CACNA2D3: variants seen among roughly 807,000 people sequenced by gnomAD.
CACNA2D3 encodes the protein voltage-dependent calcium channel subunit alpha-2/delta-3.
Under a neutral mutation model 160.6 loss-of-function variants are expected in CACNA2D3, and 60 were observed. That is an observed-to-expected ratio of 0.37 (90% CI 0.30 to 0.46). The LOEUF is 0.46. Ranked by LOEUF, CACNA2D3 falls within the 20% of genes least tolerant of loss-of-function variation. The pLI is 1.00. For synonymous variants in CACNA2D3, 558 were observed against 492.9 expected (o/e 1.13, Z -1.75); for missense variants, 1,205 against 1,365.0 (o/e 0.88, Z 1.85).
chr3:54,350,982 G>GTTTTTTTTTTTTTTTTT (rs1491034355), intron 3 of CACNA2D3, among the ~76,000 whole-genome samples: 2 of 61,798 alleles, frequency 3.2e-5, no homozygotes, highest in African/African-American at 6.6e-5. Context: ...TTTTTTTTTT[G>GTTTTTTTTTTTTTTTTT]TTTGTTTTTT....
intron 26 of CACNA2D3, among the ~76,000 whole-genome samples, 190 bp from the exon 27 acceptor site, chr3:54,899,594 TGGGA>T (rs1700279404): frequency 6.6e-6 from 1 of 152,188 alleles, no homozygotes; most frequent in Admixed American, 6.5e-5. Context: ...TTCCTTCAGC[TGGGA>T]GGACTCGCAG....
chr3:54,806,623 G>A (rs1014302342), intron 13 of CACNA2D3, among the ~76,000 whole-genome samples: 11 of 152,244 alleles, frequency 7.2e-5, no homozygotes, highest in East Asian at 3.9e-4. Flanking sequence ...GAATGGCCAT[G>A]CTGCCCAAGG....
At chr3:54,620,459 T>C (rs915728754) in intron 9 of CACNA2D3, among the ~76,000 whole-genome samples, 1 of 152,122 alleles carries the variant, frequency 6.6e-6, no homozygotes, top group African/African-American at 2.4e-5. Context: ...GCAGACACCA[T>C]CTTTTGGGTG....
intron 5 of CACNA2D3, among the ~76,000 whole-genome samples, chr3:54,551,003 C>T (rs936279401): frequency 3.9e-5 from 6 of 152,310 alleles, no homozygotes; most frequent in African/African-American, 7.2e-5. Context: ...ACCCTTCCAG[C>T]GCCACTCACC....
intron 9 of CACNA2D3, among the ~76,000 whole-genome samples, chr3:54,616,938 T>C (rs758093110): frequency 6.6e-6 from 1 of 152,174 alleles, no homozygotes; most frequent in Non-Finnish European, 1.5e-5. Context: ...TAGTTGATGG[T>C]AGCAGTCTCT....
intron 31 of CACNA2D3, among the ~76,000 whole-genome samples, chr3:54,996,669 G>A (rs555540706): frequency 6.6e-6 from 1 of 152,170 alleles, no homozygotes; most frequent in Non-Finnish European, 1.5e-5. Context: ...GAGGTTTGCA[G>A]GTGGCACCTC....
At chr3:54,858,123 C>T (rs910977742) in intron 17 of CACNA2D3, among the ~76,000 whole-genome samples, 3 of 151,380 alleles carry the variant, frequency 2.0e-5, no homozygotes, top group Admixed American at 1.3e-4. Context: ...CAATAAAAAC[C>T]TCATCAAAAT....
At chr3:54,541,743 C>A (rs6445693) in intron 5 of CACNA2D3, among the ~76,000 whole-genome samples, 42,651 of 152,102 alleles carry the variant, frequency 0.28, 6,162 homozygotes, top group East Asian at 0.37. Flanking sequence ...GACTGAGGAT[C>A]TGTCCTGAAT....
chr3:54,210,426 GTGTGTGTGTGTGTGTT>G (rs1701352409), intron 2 of CACNA2D3, among the ~76,000 whole-genome samples: 1 of 137,368 alleles, frequency 7.3e-6, no homozygotes, highest in African/African-American at 2.5e-5. Flanking sequence ...CAAAGTTTTT[GTGTGTGTGTGTGTGTT>G]TGTGTGTGTG....
At position 54,678,714 on chromosome 3, in the gene CACNA2D3, C is replaced by A. The variant is rs1294092400; in HGVS notation, c.1167+36473C>A. 3.3e-4 allele frequency among the ~76,000 whole-genome samples: 11 copies of A among 33,370 alleles called. No individual in the cohort carries two copies. The Admixed American group carries it at 6.5e-3, about 20-fold the overall frequency. The allele number at this position is 33,370 out of a possible 152,430, so 21.9% of individuals were successfully genotyped here. A position where few individuals can be genotyped will look rare whatever the true frequency, so the allele number is the denominator to read the frequency against. The stretch of plus-strand genomic sequence containing the variant: ...CCAGCCTGGGTGACAGAGTGAGACT[C>A]GGTCTCAAAAAAAAAAAAAAAAAAA... On this transcript the variant is annotated intron_variant, in intron 11 of 37. Transcript: ENST00000474759.
intron 12 of CACNA2D3, among the ~76,000 whole-genome samples, chr3:54,761,994 G>C (rs1376662389): frequency 6.6e-6 from 1 of 152,174 alleles, no homozygotes; most frequent in Non-Finnish European, 1.5e-5. Context: ...TGCTGTGATG[G>C]AGCTGGCCTC....
intron 35 of CACNA2D3, among the ~76,000 whole-genome samples, chr3:55,023,237 T>C (rs1355945413): frequency 6.6e-6 from 1 of 152,196 alleles, no homozygotes; most frequent in African/African-American, 2.4e-5. Context: ...GCTTTTACAG[T>C]GTTCAGTCTC....
chr3:54,859,027 A>G (rs973947916), intron 17 of CACNA2D3, among the ~76,000 whole-genome samples: 2 of 152,228 alleles, frequency 1.3e-5, no homozygotes, highest in African/African-American at 4.8e-5. Context: ...TAAATGAATC[A>G]CTAGAAATTT....
chr3:54,557,624 G>T (rs563256936), intron 5 of CACNA2D3, among the ~76,000 whole-genome samples: 7 of 152,284 alleles, frequency 4.6e-5, no homozygotes, highest in Non-Finnish European at 2.9e-5. Flanking sequence ...TGAGCCCATT[G>T]TTGGAGGCAA....
intron 25 of CACNA2D3, among the ~76,000 whole-genome samples, chr3:54,894,927 T>C (rs1700154501): frequency 2.6e-5 from 4 of 151,508 alleles, no homozygotes; most frequent in Admixed American, 2.0e-4. Flanking sequence ...ATCTCTGCAC[T>C]TTCTCAGTCT....
intron 9 of CACNA2D3, among the ~76,000 whole-genome samples, chr3:54,589,804 CA>C (rs754176069): frequency 3.4e-4 from 52 of 152,246 alleles, no homozygotes; most frequent in Non-Finnish European, 5.3e-4. Flanking sequence ...AAAAGATACT[CA>C]GTGTTCTTAG....
chr3:54,486,640 G>C (rs1166148503), intron 4 of CACNA2D3, among the ~76,000 whole-genome samples: 1 of 152,182 alleles, frequency 6.6e-6, no homozygotes, highest in Non-Finnish European at 1.5e-5. Flanking sequence ...AATGATCTCT[G>C]TGTGGGGCAA....
intron 11 of CACNA2D3, among the ~76,000 whole-genome samples, chr3:54,695,544 C>T (rs1700649448): frequency 6.6e-6 from 1 of 152,080 alleles, no homozygotes; most frequent in Non-Finnish European, 1.5e-5. Context: ...TCTATTAATG[C>T]ACATCCCCAC....
At chr3:54,466,057 G>A (rs1221975270) in intron 4 of CACNA2D3, among the ~76,000 whole-genome samples, 1 of 152,146 alleles carries the variant, frequency 6.6e-6, no homozygotes, top group Non-Finnish European at 1.5e-5. Flanking sequence ...TCCTTCTTGT[G>A]TTTTGAATCT....
Sources: allele counts gnomAD v4.1 joint callset (sites outside exome capture counted in the v4.1 genomes callset), GRCh38; gene constraint gnomAD v4.1.1; transcripts MANE v1.5; gene names NCBI Gene and HGNC (gene_info 2026-07-23, HGNC 2026-07-21).